Variants in ABCA13 observed in about 807,000 individuals in gnomAD.
ABCA13 encodes ATP-binding cassette sub-family A member 13.
A neutral mutation model predicts 478.7 loss-of-function variants in ABCA13; 476 were observed. The ratio of observed to expected loss-of-function variants is 0.99; its 90% confidence interval spans 0.92 to 1.07. The LOEUF (loss-of-function observed/expected upper bound fraction) is 1.07. Among genes scored for constraint, ABCA13 ranks in the 50% least tolerant of loss-of-function variants. ABCA13 has a pLI of 0.00. For missense variants in ABCA13, 6,060 were observed against 5,910.6 expected (o/e 1.03, Z -0.83); for synonymous variants, 2,252 against 2,158.9 (o/e 1.04, Z -1.20).
chr7:48,255,034 TA>T (rs1793171257), intron 15 of ABCA13, among the ~76,000 whole-genome samples: 1 of 152,194 alleles, frequency 6.6e-6, no homozygotes, highest in South Asian at 2.1e-4. Flanking sequence ...TCTGATGCCT[TA>T]AAAATCATTA....
At chr7:48,476,447 C>T (rs368913499) in intron 45 of ABCA13, among the ~76,000 whole-genome samples, 4 of 151,750 alleles carry the variant, frequency 2.6e-5, no homozygotes, top group East Asian at 1.9e-4. Context: ...AAAGCAATTC[C>T]GCTGTAATTT....
chr7:48,425,312 A>G (rs1221473815), intron 41 of ABCA13, among the ~76,000 whole-genome samples: 1 of 152,222 alleles, frequency 6.6e-6, no homozygotes, highest in Admixed American at 6.5e-5. Context: ...ACAGATGAAT[A>G]TTGTTATCAA....
At chr7:48,505,826 A>T (rs532586551) in intron 48 of ABCA13, among the ~76,000 whole-genome samples, 1 of 152,224 alleles carries the variant, frequency 6.6e-6, no homozygotes, top group Non-Finnish European at 1.5e-5. Flanking sequence ...CGCTGGCATC[A>T]CACACATGCG....
chr7:48,538,259 C>T (rs1297070388), intron 55 of ABCA13, among the ~76,000 whole-genome samples: 1 of 151,752 alleles, frequency 6.6e-6, no homozygotes, highest in African/African-American at 2.4e-5. Flanking sequence ...TGCCACTGCA[C>T]CCGACTACAT....
chr7:48,297,436 A>C (rs1250922054), intron 22 of ABCA13, 125 bp downstream of exon 22: 1 of 959,850 alleles, frequency 1.0e-6, no homozygotes, highest in South Asian at 1.6e-5. Flanking sequence ...ATCATTTACA[A>C]CTTGGCTGGT....
chr7:48,401,339 T>C (rs1281069028), intron 38 of ABCA13, among the ~76,000 whole-genome samples: 1 of 152,222 alleles, frequency 6.6e-6, no homozygotes, highest in East Asian at 1.9e-4. Flanking sequence ...GTTTATGAAA[T>C]GAATGAATGA....
chr7:48,495,280 G>A (rs1830177153), intron 48 of ABCA13, among the ~76,000 whole-genome samples: 1 of 152,070 alleles, frequency 6.6e-6, no homozygotes, highest in African/African-American at 2.4e-5. Context: ...AATTTCTCTT[G>A]AGACTTCATC....
At chr7:48,468,328 C>T (rs1459759204) in intron 44 of ABCA13, among the ~76,000 whole-genome samples, 1 of 152,226 alleles carries the variant, frequency 6.6e-6, no homozygotes, top group African/African-American at 2.4e-5. Context: ...CCAGCCCAGC[C>T]TGCAGATCAG....
intron 1 of ABCA13, among the ~76,000 whole-genome samples, chr7:48,176,125 T>A (rs1401579487): frequency 6.6e-6 from 1 of 152,166 alleles, no homozygotes; most frequent in South Asian, 2.1e-4. Flanking sequence ...TGTTGACACC[T>A]TGGATCTCTG....
intron 57 of ABCA13, among the ~76,000 whole-genome samples, chr7:48,589,167 CAT>C (rs1162378287): frequency 1.3e-5 from 2 of 152,138 alleles, no homozygotes; most frequent in Non-Finnish European, 2.9e-5. Flanking sequence ...AGAAGTGGTT[CAT>C]ATAAGGAATA....
At chr7:48,383,687 G>A (rs1814743673) in intron 35 of ABCA13, among the ~76,000 whole-genome samples, 1 of 152,146 alleles carries the variant, frequency 6.6e-6, no homozygotes, top group South Asian at 2.1e-4. Flanking sequence ...TGTTTGAAAA[G>A]TTTATAGAGA....
chr7:48,527,869 GAAT>G (rs1428039271), intron 54 of ABCA13, among the ~76,000 whole-genome samples: 7 of 152,040 alleles, frequency 4.6e-5, no homozygotes, highest in Non-Finnish European at 7.4e-5. Context: ...GAAATTAGGA[GAAT>G]AATAATTATA....
chr7:48,555,104 T>G (rs1295247607), intron 55 of ABCA13, among the ~76,000 whole-genome samples: 3 of 151,926 alleles, frequency 2.0e-5, no homozygotes, highest in Admixed American at 6.6e-5. Flanking sequence ...ATGGTGTTTA[T>G]CCTTCATTCT....
intron 42 of ABCA13, among the ~76,000 whole-genome samples, chr7:48,438,627 CT>C (rs34533187): frequency 0.3 from 44,950 of 149,744 alleles, 6,788 homozygotes; most frequent in East Asian, 0.38. Flanking sequence ...GCTACCTTTT[CT>C]TTTTTTTAAC....
chr7:48,455,932 C>A (rs1825623687), intron 43 of ABCA13, among the ~76,000 whole-genome samples: 1 of 152,222 alleles, frequency 6.6e-6, no homozygotes, highest in Admixed American at 6.5e-5. Flanking sequence ...GAAACCGATC[C>A]CCTAAGTTCC....
intron 42 of ABCA13, among the ~76,000 whole-genome samples, chr7:48,435,392 A>G (rs1822697415): frequency 6.6e-6 from 1 of 151,712 alleles, no homozygotes; most frequent in Admixed American, 6.6e-5. Flanking sequence ...ATGAGTACTA[A>G]CATTTTGTGT....
At chr7:48,597,109 G>A (rs777207531) in intron 58 of ABCA13, among the ~76,000 whole-genome samples, 4 of 151,924 alleles carry the variant, frequency 2.6e-5, no homozygotes, top group African/African-American at 7.2e-5. Flanking sequence ...CTGCCACCAA[G>A]CCTGGCTAAT....
intron 55 of ABCA13, among the ~76,000 whole-genome samples, chr7:48,567,108 G>A (rs1250831358): frequency 6.6e-6 from 1 of 152,132 alleles, no homozygotes; most frequent in Non-Finnish European, 1.5e-5. Context: ...TGGAAGTAAA[G>A]GTTCTTCATT....
chr7:48,506,572 G>T (rs1177014030), intron 49 of ABCA13, among the ~76,000 whole-genome samples, 182 bp downstream of exon 49: 1 of 152,208 alleles, frequency 6.6e-6, no homozygotes, highest in African/African-American at 2.4e-5. Flanking sequence ...CGACTATTAA[G>T]AGAGTCAGTA....
Sources: gnomAD v4.1 joint callset for allele counts (sites outside exome capture counted in the v4.1 genomes callset) on GRCh38, gnomAD v4.1.1 for gene constraint, MANE v1.5 for transcripts, NCBI Gene and HGNC (gene_info 2026-07-23, HGNC 2026-07-21) for gene names.